Variants in CLDN1 observed in about 807,000 individuals in gnomAD.
The protein encoded by CLDN1 is claudin-1.
Under a neutral mutation model 22.6 loss-of-function variants are expected in CLDN1, and 12 were observed. The ratio of observed to expected loss-of-function variants is 0.53; its 90% CI spans 0.34 to 0.86. The LOEUF is 0.86. Among genes scored for constraint, CLDN1 ranks in the 40% least tolerant of loss-of-function variants. The probability of loss-of-function intolerance (pLI) is 0.02; values close to 1 mark genes in which losing one functional copy is unlikely to be tolerated. For missense variants in CLDN1, 250 were observed against 269.5 expected (o/e 0.93, Z 0.51); for synonymous variants, 99 against 103.8 (o/e 0.95, Z 0.28).
intron 3 of CLDN1, among the ~76,000 whole-genome samples, chr3:190,309,082 T>A (rs1716538569): frequency 6.6e-6 from 1 of 152,152 alleles, no homozygotes; most frequent in South Asian, 2.1e-4. Flanking sequence ...CAAGTCTAAA[T>A]CCTGATGCAG....
intron 1 of CLDN1, among the ~76,000 whole-genome samples, chr3:190,316,791 T>C (rs1560075897): frequency 6.6e-6 from 1 of 152,176 alleles, no homozygotes; most frequent in South Asian, 2.1e-4. Flanking sequence ...TGTACCAATA[T>C]GATAGGTAAA....
chr3:190,308,145 T>G lies in CLDN1; in HGVS notation c.*132A>C. 1 of 1,095,020 alleles carries G rather than the reference T, an allele frequency of 9.1e-7. No individual in the cohort carries two copies. Among genetic ancestry groups the G allele is most frequent in the South Asian group, 1.3e-5 (1 of 78,450 alleles). 67.8% of individuals were successfully genotyped at this position (1,095,020 alleles called of 1,614,324 possible). A position where few individuals can be genotyped will look rare whatever the true frequency, so the allele number is the denominator to read the frequency against. On this transcript the variant is annotated 3_prime_UTR_variant, in exon 4 of 4. Coordinates refer to ENST00000295522, the MANE Select transcript of CLDN1 (RefSeq NM_021101.5). Reference sequence around the variant, plus strand: ...AGTATTTTAACACATGGGTTTTTTGTTTGTTTGTTTGTTTTGTAATACCAT... The same window carrying G: ...AGTATTTTAACACATGGGTTTTTTGGTTGTTTGTTTGTTTTGTAATACCAT...
chr3:190,313,800 C>T lies in CLDN1; in HGVS notation c.224-764G>A, dbSNP rs550618666. 4.6e-5 allele frequency among the ~76,000 whole-genome samples: 7 copies of T among 152,192 alleles called. No individual in the cohort carries two copies. In the South Asian group the frequency reaches 1.5e-3, roughly 32 times the overall value. On this transcript the variant is annotated intron_variant, in intron 1 of 3. Coordinates refer to ENST00000295522, the MANE Select transcript of CLDN1 (RefSeq NM_021101.5). ...CTCAGGATTCCATTTTTTCTAATTT[C>T]CCATCATTATTTTTGGTGTACTAAC...
At chr3:190,317,760 T>C (rs535086643) in intron 1 of CLDN1, among the ~76,000 whole-genome samples, 7 of 152,316 alleles carry the variant, frequency 4.6e-5, no homozygotes, top group Non-Finnish European at 7.3e-5. Context: ...ATACAGAAAG[T>C]CAACCCTCCC....
rs1577385566 is a variant in CLDN1 at position 190,306,398 on chromosome 3, T to A, written c.*1879A>T. The A allele has an allele frequency of 6.6e-6, 1 of 152,254 alleles. No individual in the cohort carries two copies. The highest frequency in any genetic ancestry group is 1.5e-5 in the Non-Finnish European group (1 of 68,046). The allele number at this position is 152,254 out of a possible 1,614,324, so 9.4% of individuals were successfully genotyped here. A position where few individuals can be genotyped will look rare whatever the true frequency, so the allele number is the denominator to read the frequency against. ...GAAACCCATTTCTTAACATTTTTTT[T>A]GTTTTCAAACATTTGAAAAGCAACA... On this transcript the variant is annotated 3_prime_UTR_variant, in exon 4 of 4. Transcript: ENST00000295522.
At chr3:190,308,530 A>AT (rs1216763337) in intron 3 of CLDN1, 91 bp from the exon 4 acceptor site, 6 of 1,217,522 alleles carry the variant, frequency 4.9e-6, no homozygotes, top group South Asian at 2.6e-5. Context: ...TACTCATTGT[A>AT]TTTTTTTCAT....
intron 2 of CLDN1, among the ~76,000 whole-genome samples, chr3:190,311,741 G>T (rs1278422002): frequency 2.0e-5 from 3 of 150,992 alleles, no homozygotes; most frequent in East Asian, 3.9e-4. Context: ...ACAGTGTATA[G>T]ATATAAAGAT....
At position 190,312,873 on chromosome 3, in the gene CLDN1, T is replaced by C. The variant is rs776203101; in HGVS notation, c.387A>G (p.Ala129=). ...AAAGGGGGGCACAGCCTCTATTACC[T>C]GCAAGAAGAAATATCGCACCCCCAA... The part of the protein sequence containing the change: ...AVIGGAIFLL[A]GLAILVATAW... Residue 129 remains alanine (A), a splice_region_variant and synonymous_variant, in exon 2 of 4, where the codon GCA becomes GCG. Coordinates refer to ENST00000295522, the MANE Select transcript of CLDN1 (RefSeq NM_021101.5). The C allele has an allele frequency of 1.9e-6, 3 of 1,613,972 alleles. No individual in the cohort carries two copies. The highest frequency in any genetic ancestry group is 1.3e-5 in the African/African-American group (1 of 74,922).
intron 3 of CLDN1, among the ~76,000 whole-genome samples, chr3:190,308,915 G>C (rs1207158536): frequency 2.0e-5 from 3 of 152,114 alleles, no homozygotes; most frequent in African/African-American, 7.2e-5. Flanking sequence ...CAAATCTTAT[G>C]GTTTTGTAAA....
intron 1 of CLDN1, among the ~76,000 whole-genome samples, chr3:190,316,294 CA>C (rs1439758184): frequency 3.9e-5 from 6 of 152,146 alleles, no homozygotes; most frequent in African/African-American, 1.4e-4. Flanking sequence ...TTGACTTATA[CA>C]ATTTATTTGT....
chr3:190,319,450 G>C (rs1716859118), intron 1 of CLDN1, among the ~76,000 whole-genome samples: 1 of 152,172 alleles, frequency 6.6e-6, no homozygotes, highest in Non-Finnish European at 1.5e-5. Context: ...CTACCTAAAA[G>C]AAGAAGCCTT....
chr3:190,308,050 CA>C lies in CLDN1; in HGVS notation c.*226del, dbSNP rs1716506808. ...GATTACTCAATGGGAAGCAGTAATA[CA>C]AATGGAAAAATCTTCCCTCCTATAT... is the stretch of plus-strand genomic sequence containing the variant. On this transcript the variant is annotated 3_prime_UTR_variant, in exon 4 of 4. Coordinates refer to ENST00000295522, the MANE Select transcript of CLDN1 (RefSeq NM_021101.5). 2 of 492,864 alleles carry C rather than the reference CA, an allele frequency of 4.1e-6. No homozygotes were observed. The highest frequency in any genetic ancestry group is 3.7e-6 in the Non-Finnish European group (1 of 273,954). The allele number at this position is 492,864 out of a possible 1,614,324, so 30.5% of individuals were successfully genotyped here.
intron 1 of CLDN1, 24 bp downstream of exon 1, chr3:190,321,960 G>A: frequency 6.2e-7 from 1 of 1,603,646 alleles, no homozygotes; most frequent in Non-Finnish European, 8.5e-7. Flanking sequence ...CTGGACGGCC[G>A]CTGTGAGGTG....
At position 190,322,404 on chromosome 3, in the gene CLDN1, G is replaced by A. The variant is rs1560077520; in HGVS notation, c.-198C>T. On this transcript the variant is annotated 5_prime_UTR_variant, in exon 1 of 4. Coordinates refer to ENST00000295522, the MANE Select transcript of CLDN1 (RefSeq NM_021101.5). Reference sequence around the variant, plus strand: ...GCGCCCGGGGCGGCGCTGGAGTCTGGATACTAGAAGCTGCGGTTGCTCCCA... The same window carrying A: ...GCGCCCGGGGCGGCGCTGGAGTCTGAATACTAGAAGCTGCGGTTGCTCCCA... The A allele has an allele frequency of 3.3e-6, 2 of 610,784 alleles. No individual in the cohort carries two copies. Among genetic ancestry groups the A allele is most frequent in the South Asian group, 3.9e-5 (2 of 51,716 alleles). 37.8% of individuals were successfully genotyped at this position (610,784 alleles called of 1,614,324 possible).
In CLDN1 at chr3:190,318,243, A is replaced by C. The variant is rs548392589; in HGVS notation, c.223+3741T>G. Among the ~76,000 whole-genome samples, 5 of 152,280 alleles carry C rather than the reference A, an allele frequency of 3.3e-5. No individual in the cohort carries two copies. The South Asian group carries it at 1.0e-3, about 32-fold the overall frequency. On this transcript the variant is annotated intron_variant, in intron 1 of 3. Coordinates refer to ENST00000295522, the MANE Select transcript of CLDN1 (RefSeq NM_021101.5). Reference sequence around the variant, plus strand: ...TCAGGATGTCCTCAGAAGTTTTGCTACCTTTCTTGTTTGTGTGTTTCTTCA... The same window carrying C: ...TCAGGATGTCCTCAGAAGTTTTGCTCCCTTTCTTGTTTGTGTGTTTCTTCA...
At chr3:190,321,848 G>T in intron 1 of CLDN1, 136 bp downstream of exon 1, 2 of 718,918 alleles carry the variant, frequency 2.8e-6, no homozygotes, top group Non-Finnish European at 4.7e-6. Context: ...ATTTCCTTAT[G>T]ACAGAGCACA....
intron 1 of CLDN1, among the ~76,000 whole-genome samples, chr3:190,314,177 A>T (rs1280939474): frequency 6.6e-6 from 1 of 152,082 alleles, no homozygotes; most frequent in Non-Finnish European, 1.5e-5. Flanking sequence ...GGAACAATTG[A>T]CTCCTTGATG....
intron 1 of CLDN1, among the ~76,000 whole-genome samples, chr3:190,316,684 T>C (rs894237184): frequency 1.3e-5 from 2 of 152,212 alleles, no homozygotes; most frequent in Non-Finnish European, 2.9e-5. Context: ...TATTCCTATT[T>C]CCATCTAAAG....
At chr3:190,313,586 C>A (rs1391215466) in intron 1 of CLDN1, among the ~76,000 whole-genome samples, 3 of 152,070 alleles carry the variant, frequency 2.0e-5, no homozygotes, top group African/African-American at 7.2e-5. Context: ...ATTTGTATCT[C>A]CAGTGATGTG....
Sources: gnomAD v4.1 joint callset for allele counts (sites outside exome capture counted in the v4.1 genomes callset) on GRCh38, gnomAD v4.1.1 for gene constraint, MANE v1.5 for transcripts, NCBI Gene and HGNC (gene_info 2026-07-23, HGNC 2026-07-21) for gene names.